EDEM3: variants seen among roughly 807,000 people sequenced by gnomAD.
EDEM3 encodes the protein ER degradation enhancing alpha-mannosidase like protein 3.
Under a neutral mutation model 110.2 loss-of-function variants are expected in EDEM3, and 60 were observed. That is an observed-to-expected ratio of 0.54 (90% CI 0.44 to 0.67). The LOEUF is 0.67. Ranked by LOEUF, EDEM3 falls within the 30% of genes least tolerant of loss-of-function variation. EDEM3 has a pLI of 0.00. For synonymous variants in EDEM3, 352 were observed against 382.9 expected, an observed-to-expected ratio of 0.92 and a Z score of 0.94; for missense variants, 996 against 1,121.0, an observed-to-expected ratio of 0.89 and a Z score of 1.59.
At chr1:184,742,845 A>T (rs1652219927) in intron 2 of EDEM3, among the ~76,000 whole-genome samples, 3 of 152,218 alleles carry the variant, frequency 2.0e-5, no homozygotes, top group South Asian at 2.1e-4. Context: ...AAATACAAAA[A>T]TTTTTTAAAA....
intron 18 of EDEM3, among the ~76,000 whole-genome samples, chr1:184,705,680 T>G (rs996748774): frequency 1.3e-5 from 2 of 152,162 alleles, no homozygotes; most frequent in African/African-American, 4.8e-5. Flanking sequence ...TTTATTTACC[T>G]TAACTATTGG....
At chr1:184,733,855 T>C (rs368448838) in intron 5 of EDEM3, among the ~76,000 whole-genome samples, 1 of 150,158 alleles carries the variant, frequency 6.7e-6, no homozygotes. Context: ...CCCAAGAGCA[T>C]TTCAAACTGT....
At chr1:184,719,322 A>AT in intron 10 of EDEM3, 77 bp from the exon 11 acceptor site, 1 of 1,512,348 alleles carries the variant, frequency 6.6e-7, no homozygotes, top group Non-Finnish European at 8.9e-7. Flanking sequence ...AAACAGAAAA[A>AT]TGTATACAAA....
rs182498203 is a variant in EDEM3 at position 184,741,733 on chromosome 1, T to C, written c.205-4022A>G. On this transcript the variant is annotated intron_variant, in intron 2 of 19. Transcript: ENST00000318130. ...TGCCTGATATACTCAGGTATTTTATTGCTTATTTGTTTTAAAATAAGAGTA... is the reference window on the plus strand; with the variant it reads ...TGCCTGATATACTCAGGTATTTTATCGCTTATTTGTTTTAAAATAAGAGTA... Among the ~76,000 whole-genome samples the C allele has an allele frequency of 2.8e-3, 424 of 152,368 alleles. 4 individuals carry two copies. The East Asian group carries it at 0.035, about 13-fold the overall frequency.
chr1:184,732,928 C>T lies in EDEM3; in HGVS notation c.521G>A (p.Trp174Ter). 6.2e-7 allele frequency: 1 copy of T among 1,613,962 alleles called. No homozygotes were observed. The highest frequency in any genetic ancestry group is 8.5e-7 in the Non-Finnish European group (1 of 1,179,930). Reference protein sequence around the residue: ...MLKEKGEYMQWYNDELLQMAK... With the variant: ...MLKEKGEYMQ ...CATTTGGAGAAGTTCATCATTGTAC[C>T]ACTGCATATATTCACCTTTTTCTTT... Residue 174 changes from tryptophan to a stop codon, truncating the protein, a stop_gained, in exon 6 of 20, where the codon TGG becomes TAG. Transcript: ENST00000318130. LOFTEE classifies it high-confidence loss of function.
intron 17 of EDEM3, among the ~76,000 whole-genome samples, chr1:184,707,097 A>G (rs1649970412): frequency 1.3e-5 from 2 of 152,110 alleles, no homozygotes; most frequent in African/African-American, 4.8e-5. Context: ...TTTCCCTTTC[A>G]CATATGGGGA....
intron 19 of EDEM3, among the ~76,000 whole-genome samples, chr1:184,698,052 A>G (rs1649420825): frequency 6.6e-6 from 1 of 151,874 alleles, no homozygotes; most frequent in African/African-American, 2.4e-5. Flanking sequence ...TCTTATTTAA[A>G]GAAGGCAAAA....
chr1:184,719,049 C>T, intron 11 of EDEM3, 113 bp downstream of exon 11: 1 of 538,502 alleles, frequency 1.9e-6, no homozygotes, highest in Non-Finnish European at 3.1e-6. Context: ...ACCAACAAGC[C>T]TTGAAGATGA....
At chr1:184,747,624 A>T (rs900428743) in intron 2 of EDEM3, among the ~76,000 whole-genome samples, 1 of 152,248 alleles carries the variant, frequency 6.6e-6, no homozygotes, top group East Asian at 1.9e-4. Flanking sequence ...CTGGAAATAT[A>T]TAAGACAATG....
chr1:184,712,879 C>A (rs188147940), intron 13 of EDEM3, among the ~76,000 whole-genome samples: 258 of 152,260 alleles, frequency 1.7e-3, no homozygotes, highest in Non-Finnish European at 2.4e-3. Context: ...AGGGAAAGTT[C>A]TCCATTTCTT....
intron 1 of EDEM3, 39 bp downstream of exon 1, chr1:184,754,450 C>T: frequency 6.2e-7 from 1 of 1,611,994 alleles, no homozygotes. Flanking sequence ...TGTTGTCAGC[C>T]TCACCGAGAA....
rs536002456 is a variant in EDEM3, at chr1:184,724,474, TAAATA to T, written c.748-623_748-619del. The stretch of plus-strand genomic sequence containing the variant: ...CTCATTTATTTTATCTACTAGACAC[TAAATA>T]AAATGAGTTGTGAACAAATTTTTGG... On this transcript the variant is annotated intron_variant, in intron 7 of 19. Transcript: ENST00000318130. 1.5e-3 allele frequency among the ~76,000 whole-genome samples: 224 copies of T among 152,282 alleles called. 2 individuals carry two copies. Among genetic ancestry groups the T allele is most frequent in the Middle Eastern group, 6.8e-3 (2 of 294 alleles).
At position 184,694,485 on chromosome 1, in the gene EDEM3, GAAAC is replaced by G; in HGVS notation, c.2390-17_2390-14del. ...TCCATTTCAGGATCTGTATGAGAAA[GAAAC>G]AAACCTCATGCTACTTCTCTAAAAA... On this transcript the variant is annotated splice_polypyrimidine_tract_variant and intron_variant, in intron 19 of 19. Transcript: ENST00000318130. 2 of 1,566,186 alleles carry G rather than the reference GAAAC, an allele frequency of 1.3e-6. No homozygotes were observed. The highest frequency in any genetic ancestry group is 8.6e-7 in the Non-Finnish European group (1 of 1,158,362).
chr1:184,739,922 C>T (rs1049813365), intron 2 of EDEM3, among the ~76,000 whole-genome samples: 6 of 152,018 alleles, frequency 3.9e-5, no homozygotes, highest in South Asian at 4.1e-4. Context: ...CAGATTTTAG[C>T]GGGAGTTATG....
chr1:184,752,756 T>C (rs916520115), intron 1 of EDEM3, among the ~76,000 whole-genome samples: 2 of 152,194 alleles, frequency 1.3e-5, no homozygotes, highest in African/African-American at 4.8e-5. Context: ...TGCAACATAC[T>C]GGAGAGAGCC....
Position 184,732,980 on chromosome 1 carries a change from C to T in EDEM3, c.469G>A (p.Gly157Ser), listed in dbSNP as rs377303985. 1.2e-5 allele frequency: 19 copies of T among 1,612,862 alleles called. No homozygotes were observed. The highest frequency in any genetic ancestry group is 6.7e-5 in the East Asian group (3 of 44,848). The change falls in exon 6 of 20, where the codon GGT becomes AGT. Residue 157 changes from glycine to serine, a missense_variant. Gly to Ser is a moderately conservative substitution (Grantham distance 56). Transcript: ENST00000318130. ...AGCATGATTGCCAGGGAGTGCCCAC[C>T]CAAAAGACCCCTAGGATCACAGAGA... ...TNIRVLGGLL[G>S]GHSLAIMLKE... is the part of the protein sequence containing the mutation.
intron 8 of EDEM3, 149 bp from the exon 9 acceptor site, chr1:184,721,535 A>G (rs1206288179): frequency 1.1e-5 from 5 of 473,894 alleles, no homozygotes; most frequent in Non-Finnish European, 1.8e-5. Context: ...ACAGATAATT[A>G]TATTTAAAAT....
At chr1:184,696,813 G>C (rs187625098) in intron 19 of EDEM3, among the ~76,000 whole-genome samples, 1 of 151,984 alleles carries the variant, frequency 6.6e-6, no homozygotes, top group African/African-American at 2.4e-5. Flanking sequence ...TTCCAGATTA[G>C]AAGGAGAGGA....
At position 184,712,510 on chromosome 1, in the gene EDEM3, A is replaced by C; in HGVS notation, c.1459T>G (p.Tyr487Asp). The C allele has an allele frequency of 6.2e-7, 1 of 1,605,134 alleles. No individual in the cohort carries two copies. Among genetic ancestry groups the C allele is most frequent in the Non-Finnish European group, 8.5e-7 (1 of 1,175,690 alleles). Residue 487 changes from tyrosine (Y) to aspartate (D), a missense_variant, in exon 14 of 20, where the codon TAC becomes GAC. Tyr to Asp is a radical substitution (Grantham distance 160). Around this residue, in one of 5 missense-constraint regions of EDEM3, gnomAD observed 138 missense variants for 124.3 expected, o/e 1.11. Coordinates refer to ENST00000318130, the MANE Select transcript of EDEM3 (RefSeq NM_025191.4). ...AGATGAGCTTCTGTTGTAAAGATGT[A>C]ATCTTCTATGTCAAAAATAATGTCT... ...KEDIIFDIED[Y>D]IFTTEAHLLP...
Sources: allele counts gnomAD v4.1 joint callset (sites outside exome capture counted in the v4.1 genomes callset), GRCh38; gene constraint gnomAD v4.1.1; regional missense constraint gnomAD v4.1.1; transcripts MANE v1.5; gene names NCBI Gene and HGNC (gene_info 2026-07-23, HGNC 2026-07-21).